The following C6 variants were observed in gnomAD, a reference collection of about 807,000 sequenced individuals.
The protein encoded by C6 is complement component C6.
In C6, 101 loss-of-function variants were observed where a neutral mutation model predicts 112.9. The ratio of observed to expected loss-of-function variants is 0.89; its 90% CI spans 0.76 to 1.06. The LOEUF is 1.06. C6 is among the 50% of genes least tolerant of loss of function. The probability of loss-of-function intolerance (pLI) is 0.00; values close to 1 mark genes in which losing one functional copy is unlikely to be tolerated. For missense variants in C6, 1,202 were observed against 1,104.6 expected (o/e 1.09, Z -1.25); for synonymous variants, 431 against 384.1 (o/e 1.12, Z -1.43).
chr5:41,147,595 G>A (rs1424850951), intron 17 of C6, among the ~76,000 whole-genome samples: 2 of 152,196 alleles, frequency 1.3e-5, no homozygotes, highest in Non-Finnish European at 2.9e-5. Flanking sequence ...AAAGAGTCAA[G>A]AGGAACAATA....
At position 41,223,816 on chromosome 5, in the gene C6, T is replaced by A. The variant is rs1174060118; in HGVS notation, c.-20-20566A>T. ...TAATATTTCAACAATGTTTCAATAATATTCTTTATTTTCCTTCTCCAGTAC... is the reference window on the plus strand; with the variant it reads ...TAATATTTCAACAATGTTTCAATAAAATTCTTTATTTTCCTTCTCCAGTAC... On this transcript the variant is annotated intron_variant, in intron 1 of 17. Coordinates refer to the C6 transcript ENST00000263413. Among the ~76,000 whole-genome samples the A allele has an allele frequency of 4.0e-5, 6 of 151,620 alleles. 1 individual carries two copies. In the South Asian group the frequency reaches 1.2e-3, roughly 31 times the overall value.
chr5:41,169,486 T>C (rs74679129), intron 9 of C6, among the ~76,000 whole-genome samples: 6,953 of 151,998 alleles, frequency 0.046, 168 homozygotes, highest in Middle Eastern at 0.071. Flanking sequence ...TTAGAAGAAA[T>C]AGGAATTTGA....
intron 1 of C6, among the ~76,000 whole-genome samples, chr5:41,224,144 A>G (rs907186047): frequency 1.3e-5 from 2 of 152,164 alleles, no homozygotes; most frequent in South Asian, 2.1e-4. Context: ...ACTAATTAAC[A>G]TATCTATTAC....
intron 16 of C6, 91 bp from the exon 17 acceptor site, chr5:41,149,573 A>C: frequency 6.4e-7 from 1 of 1,553,926 alleles, no homozygotes. Flanking sequence ...CTCACCAACC[A>C]GTTTTCTTTT....
Position 41,226,638 on chromosome 5 carries a change from C to A in C6, c.-20-23388G>T, listed in dbSNP as rs373303416. ...CCTCCCTCCTGCGGCCCCTGCTAAC[C>A]ACCATTCTAGTTGCTGCTTCTGCGG... On this transcript the variant is annotated intron_variant, in intron 1 of 17. Transcript: ENST00000263413. Among the ~76,000 whole-genome samples the A allele has an allele frequency of 1.4e-4, 22 of 152,240 alleles. No individual in the cohort carries two copies. In the East Asian group the frequency reaches 3.7e-3, roughly 25 times the overall value.
At chr5:41,196,706 A>G in intron 4 of C6, among the ~76,000 whole-genome samples, 1 of 151,766 alleles carries the variant, frequency 6.6e-6, no homozygotes, top group Non-Finnish European at 1.5e-5. Context: ...GTTTTCCTGC[A>G]TATAATTTGC....
intron 1 of C6, among the ~76,000 whole-genome samples, chr5:41,255,645 T>A (rs1296715158): frequency 6.6e-6 from 1 of 152,154 alleles, no homozygotes; most frequent in Non-Finnish European, 1.5e-5. Context: ...CCTGCCCTGA[T>A]TGGCTTTTGA....
upstream of C6, among the ~76,000 whole-genome samples, chr5:41,216,145 A>G (rs1293072498): frequency 6.6e-6 from 1 of 152,130 alleles, no homozygotes; most frequent in Non-Finnish European, 1.5e-5. Flanking sequence ...TCTCTTTCCT[A>G]CTAAAATTAT....
intron 1 of C6, among the ~76,000 whole-genome samples, chr5:41,218,550 CT>C (rs1269119871): frequency 2.6e-5 from 4 of 152,100 alleles, no homozygotes; most frequent in African/African-American, 9.7e-5. Context: ...CTTTCTGCCT[CT>C]TTTTTTCCTG....
chr5:41,206,574 C>T (rs549978594), intron 1 of C6, among the ~76,000 whole-genome samples: 18 of 152,180 alleles, frequency 1.2e-4, no homozygotes, highest in South Asian at 6.2e-4. Context: ...AACTACATGA[C>T]GCATGCACAA....
chr5:41,249,829 A>G (rs1741234949), intron 1 of C6, among the ~76,000 whole-genome samples: 1 of 152,362 alleles, frequency 6.6e-6, no homozygotes, highest in African/African-American at 2.4e-5. Context: ...TCTAATCCAT[A>G]CTATGGACAG....
intron 5 of C6, among the ~76,000 whole-genome samples, chr5:41,194,431 C>T (rs567668792): frequency 2.0e-4 from 30 of 152,258 alleles, no homozygotes; most frequent in African/African-American, 5.8e-4. Context: ...GCTCCTCTTA[C>T]TTTCAGACTA....
intron 17 of C6, among the ~76,000 whole-genome samples, chr5:41,148,966 G>A (rs1306871219): frequency 2.6e-5 from 4 of 152,110 alleles, no homozygotes; most frequent in South Asian, 2.1e-4. Flanking sequence ...ACACGAGATC[G>A]GGACAAGTGC....
chr5:41,248,700 A>G (rs1741165780), intron 1 of C6, among the ~76,000 whole-genome samples: 1 of 152,208 alleles, frequency 6.6e-6, no homozygotes, highest in Non-Finnish European at 1.5e-5. Context: ...CGTGGGGAAA[A>G]TGGATGCTTA....
chr5:41,191,067 C>CTTTTTTTTTTTTTT (rs142519688), intron 5 of C6, among the ~76,000 whole-genome samples: 4 of 84,756 alleles, frequency 4.7e-5, no homozygotes, highest in Non-Finnish European at 6.2e-5. Context: ...ATGCCTTTGG[C>CTTTTTTTTTTTTTT]TTTTTTTTTT....
rs564986029 is a variant in C6 at position 41,222,673 on chromosome 5, C to T, written c.-20-19423G>A. On this transcript the variant is annotated intron_variant, in intron 1 of 17. Coordinates refer to the C6 transcript ENST00000263413. ...ATGAATCTCTATATATTTACTATTT[C>T]TGATACCTTTGTGCATATAGCTTCC... Among the ~76,000 whole-genome samples the T allele has an allele frequency of 5.9e-5, 9 of 152,226 alleles. No homozygotes were observed. In the East Asian group the frequency reaches 1.4e-3, roughly 23 times the overall value.
chr5:41,212,652 G>T (rs180775128), intron 1 of C6, among the ~76,000 whole-genome samples: 1 of 152,004 alleles, frequency 6.6e-6, no homozygotes, highest in Non-Finnish European at 1.5e-5. Flanking sequence ...AAGAATGTTC[G>T]GTCAATAGAG....
At chr5:41,214,323 A>G (rs1448734081), upstream of C6, among the ~76,000 whole-genome samples, 2 of 152,122 alleles carry the variant, frequency 1.3e-5, no homozygotes, top group Non-Finnish European at 2.9e-5. Flanking sequence ...TATTCCTTAG[A>G]CAGCTTAGAT....
chr5:41,258,827 A>C (rs1030877770), intron 1 of C6, among the ~76,000 whole-genome samples: 6 of 152,200 alleles, frequency 3.9e-5, no homozygotes, highest in African/African-American at 1.4e-4. Flanking sequence ...GAGTGCAAGC[A>C]GGGGAAATGC....
Sources: allele counts gnomAD v4.1 joint callset (sites outside exome capture counted in the v4.1 genomes callset), GRCh38; gene constraint gnomAD v4.1.1; transcripts MANE v1.5; gene names NCBI Gene and HGNC (gene_info 2026-07-23, HGNC 2026-07-21).